ZC3H11A: variants seen among roughly 807,000 people sequenced by gnomAD.
ZC3H11A encodes zinc finger CCCH-type containing 11A.
In ZC3H11A, 22 loss-of-function variants were observed where a neutral mutation model predicts 90.8. That is an observed-to-expected ratio of 0.24 (90% CI 0.17 to 0.35). ZC3H11A has a LOEUF of 0.35. Among genes scored for constraint, ZC3H11A ranks in the 10% least tolerant of loss-of-function variants. The pLI is 1.00. For missense variants in ZC3H11A, 701 were observed against 964.9 expected, an observed-to-expected ratio of 0.73 and a Z score of 3.62; for synonymous variants, 294 against 339.8, an observed-to-expected ratio of 0.87 and a Z score of 1.48.
chr1:203,799,518 C>T, intron 1 of ZC3H11A: 1 of 703,016 alleles, frequency 1.4e-6, no homozygotes, highest in Non-Finnish European at 2.6e-6. Context: ...CTACTCAGTT[C>T]ACCATAGTCT....
Position 203,802,343 on chromosome 1 carries a change from T to C in ZC3H11A, c.-819T>C, listed in dbSNP as rs1166493967. The C allele has an allele frequency of 2.0e-5, 3 of 152,614 alleles. No homozygotes were observed. The highest frequency in any genetic ancestry group is 2.0e-4 in the Admixed American group (3 of 15,276). 9.5% of individuals were successfully genotyped at this position (152,614 alleles called of 1,614,324 possible). On this transcript the variant is annotated 5_prime_UTR_variant, in exon 2 of 18. Transcript: ENST00000367210. ...GGTATAAGAGTAAGTTCTTTATTTT[T>C]ATAATGAACCCAAATCTAAAGTCTT...
intron 4 of ZC3H11A, among the ~76,000 whole-genome samples, chr1:203,820,227 T>C: frequency 6.8e-6 from 1 of 147,184 alleles, no homozygotes; most frequent in Non-Finnish European, 1.5e-5. Context: ...AGGGCGAGAC[T>C]CCATCTCAAG....
At chr1:203,831,379 T>TA (rs1682310556) in intron 8 of ZC3H11A, among the ~76,000 whole-genome samples, 1 of 152,178 alleles carries the variant, frequency 6.6e-6, no homozygotes, top group Non-Finnish European at 1.5e-5. Context: ...TTTAGAATAA[T>TA]ACTAGCTTTA....
chr1:203,841,819 C>T (rs1392351054), intron 12 of ZC3H11A, among the ~76,000 whole-genome samples: 9 of 142,518 alleles, frequency 6.3e-5, no homozygotes, highest in Non-Finnish European at 1.1e-4. Context: ...GGCTGCCGGG[C>T]GGAGGGGCTC....
chr1:203,797,228 A>G (rs1237770447), intron 1 of ZC3H11A: 1 of 194,750 alleles, frequency 5.1e-6, no homozygotes, highest in Non-Finnish European at 1.0e-5. Flanking sequence ...GACTCTGGGA[A>G]AGGGGGACTC....
Position 203,839,320 on chromosome 1 carries a change from G to A in ZC3H11A, c.974-986G>A, listed in dbSNP as rs576303336. 1.9e-3 allele frequency among the ~76,000 whole-genome samples: 286 copies of A among 152,324 alleles called. 4 individuals are homozygous for A. Among genetic ancestry groups the A allele is most frequent in the Non-Finnish European group, 1.5e-3 (103 of 68,030 alleles). ...GCCTCCCAAGTAGCTGGAAGTACAG[G>A]AATGCACTATTGCGCCCCTCAGGGA... On this transcript the variant is annotated intron_variant, in intron 11 of 17. Transcript: ENST00000367210.
In ZC3H11A at chr1:203,802,183, C is replaced by T. The variant is rs985706232; in HGVS notation, c.-979C>T. ...TACGTTTCTATCTTTTTTGGTTAAA[C>T]ACTCCCTGATGACGATGATGGATAT... On this transcript the variant is annotated 5_prime_UTR_variant, in exon 2 of 18. Coordinates refer to ENST00000367210, the MANE Select transcript of ZC3H11A (RefSeq NM_001376342.1). The T allele has an allele frequency of 6.6e-6, 1 of 152,602 alleles. No individual in the cohort carries two copies. Among genetic ancestry groups the T allele is most frequent in the Non-Finnish European group, 1.5e-5 (1 of 68,030 alleles). The allele number at this position is 152,602 out of a possible 1,614,324, so 9.5% of individuals were successfully genotyped here.
chr1:203,818,646 G>A lies in ZC3H11A; in HGVS notation c.131G>A (p.Arg44His), dbSNP rs780868904. The stretch of plus-strand genomic sequence containing the variant: ...GTTTGCACATTATGGCAAGAAGGGC[G>A]CTGTTTTCGACAGGTGTGCAGGTTT... ...ETVCTLWQEG[R>H]CFRQVCRFRH... The change falls in exon 4 of 18, where the codon CGC (arginine) becomes CAC (histidine). Residue 44 changes from arginine (R) to histidine (H), a missense_variant. Coordinates refer to ENST00000367210, the MANE Select transcript of ZC3H11A (RefSeq NM_001376342.1). 1.9e-6 allele frequency: 3 copies of A among 1,614,138 alleles called. No individual in the cohort carries two copies. Among genetic ancestry groups the A allele is most frequent in the Non-Finnish European group, 1.7e-6 (2 of 1,180,036 alleles).
chr1:203,850,550 A>G lies in ZC3H11A; in HGVS notation c.1975A>G (p.Lys659Glu). Residue 659 changes from lysine to glutamate, a missense_variant, in exon 16 of 18, where the codon AAA (lysine) becomes GAA (glutamate). Coordinates refer to ENST00000367210, the MANE Select transcript of ZC3H11A (RefSeq NM_001376342.1). Reference protein sequence around the residue: ...PKVNVKPSVVKVVSSPKLAPK... With the variant: ...PKVNVKPSVVEVVSSPKLAPK... ...AGTGAACGTGAAGCCATCTGTGGTTAAAGTTGTGTCATCCCCCAAATTGGC... is the reference window on the plus strand; with the variant it reads ...AGTGAACGTGAAGCCATCTGTGGTTGAAGTTGTGTCATCCCCCAAATTGGC... 6.2e-7 allele frequency: 1 copy of G among 1,613,964 alleles called. No homozygotes were observed. Among genetic ancestry groups the G allele is most frequent in the Non-Finnish European group, 8.5e-7 (1 of 1,179,888 alleles).
intron 12 of ZC3H11A, among the ~76,000 whole-genome samples, chr1:203,843,739 G>A (rs1335392794): frequency 1.3e-5 from 2 of 152,120 alleles, no homozygotes; most frequent in African/African-American, 2.4e-5. Flanking sequence ...GGCTGATTTG[G>A]GGCCAGCCTT....
chr1:203,816,313 C>T (rs781506828), intron 2 of ZC3H11A, among the ~76,000 whole-genome samples: 8 of 152,054 alleles, frequency 5.3e-5, no homozygotes, highest in Non-Finnish European at 1.0e-4. Context: ...TATATACATA[C>T]ATATATACAT....
intron 12 of ZC3H11A, among the ~76,000 whole-genome samples, chr1:203,842,135 G>C (rs1686529673): frequency 6.6e-6 from 1 of 150,530 alleles, no homozygotes; most frequent in African/African-American, 2.4e-5. Flanking sequence ...TGGGCGGAAG[G>C]GCTCCTCACA....
rs768304239 is a variant in ZC3H11A at position 203,847,348 on chromosome 1, A to G, written c.1207A>G (p.Ile403Val). The change falls in exon 13 of 18, where the codon ATC becomes GTC. Residue 403 changes from isoleucine to valine, a missense_variant. Around this residue, in one of 4 missense-constraint regions of ZC3H11A, gnomAD observed 530 missense variants for 696.2 expected, o/e 0.76. Coordinates refer to ENST00000367210, the MANE Select transcript of ZC3H11A (RefSeq NM_001376342.1). Reference protein sequence around the residue: ...SGARSSSTIRIKTFSEVLAEK... With the variant: ...SGARSSSTIRVKTFSEVLAEK... The stretch of plus-strand genomic sequence containing the variant: ...AGCAAGAAGCTCCTCCACTATCCGT[A>G]TCAAAACCTTCTCTGAGGTCCTGGC... 2 of 1,613,982 alleles carry G rather than the reference A, an allele frequency of 1.2e-6. No homozygotes were observed. The highest frequency in any genetic ancestry group is 1.7e-6 in the Non-Finnish European group (2 of 1,179,864).
Position 203,849,824 on chromosome 1 carries a change from A to G in ZC3H11A, c.1737A>G (p.Thr579=), listed in dbSNP as rs1572376146. 1.2e-6 allele frequency: 2 copies of G among 1,613,878 alleles called. No individual in the cohort carries two copies. Among genetic ancestry groups the G allele is most frequent in the African/African-American group, 1.3e-5 (1 of 74,870 alleles). The part of the protein sequence containing the change: ...KQQEREKSVL[T]PLRGDVASCN... ...AGGAGAGGGAAAAATCAGTCTTGAC[A>G]CCTCTTCGGGGAGATGTAGCCTCTT... Residue 579 remains threonine, a synonymous_variant, in exon 15 of 18, where the codon ACA becomes ACG. Coordinates refer to ENST00000367210, the MANE Select transcript of ZC3H11A (RefSeq NM_001376342.1).
At chr1:203,828,470 A>C in intron 5 of ZC3H11A, 48 bp downstream of exon 5, 1 of 1,559,186 alleles carries the variant, frequency 6.4e-7, no homozygotes, top group Middle Eastern at 1.7e-4. Flanking sequence ...AACACCTATT[A>C]TGCACACTGT....
chr1:203,847,933 G>T (rs1175722284), intron 13 of ZC3H11A, among the ~76,000 whole-genome samples: 1 of 152,118 alleles, frequency 6.6e-6, no homozygotes, highest in Non-Finnish European at 1.5e-5. Context: ...TTGGCTCACT[G>T]TAGCCTCCAC....
intron 4 of ZC3H11A, among the ~76,000 whole-genome samples, chr1:203,825,076 CAAAAAAAAAAA>C (rs61108073): frequency 1.8e-5 from 2 of 108,988 alleles, no homozygotes; most frequent in African/African-American, 7.2e-5. Context: ...GACTCCGTCT[CAAAAAAAAAAA>C]AAAAAAAAGA....
At chr1:203,844,939 T>A (rs1022370754) in intron 12 of ZC3H11A, among the ~76,000 whole-genome samples, 1 of 152,094 alleles carries the variant, frequency 6.6e-6, no homozygotes, top group Non-Finnish European at 1.5e-5. Flanking sequence ...CAAACTTGCC[T>A]CTTTTTAGGG....
In ZC3H11A at chr1:203,852,133, T is replaced by C; in HGVS notation, c.2175-8T>C. Reference sequence around the variant, plus strand: ...GGCAGTTTTCTAATAATCTTTTTTTTCTTACAGTCTTGTGCTGCCTCCAAC... The same window carrying C: ...GGCAGTTTTCTAATAATCTTTTTTTCCTTACAGTCTTGTGCTGCCTCCAAC... On this transcript the variant is annotated splice_polypyrimidine_tract_variant and splice_region_variant and intron_variant, in intron 17 of 17. Coordinates refer to ENST00000367210, the MANE Select transcript of ZC3H11A (RefSeq NM_001376342.1). The C allele has an allele frequency of 1.9e-6, 3 of 1,613,170 alleles. No individual in the cohort carries two copies. The highest frequency in any genetic ancestry group is 2.5e-6 in the Non-Finnish European group (3 of 1,179,730).
Sources: gnomAD v4.1 joint callset for allele counts (sites outside exome capture counted in the v4.1 genomes callset) on GRCh38, gnomAD v4.1.1 for gene constraint, gnomAD v4.1.1 regional missense constraint, MANE v1.5 for transcripts, NCBI Gene and HGNC (gene_info 2026-07-23, HGNC 2026-07-21) for gene names.